HINFP: variants seen among roughly 807,000 people sequenced by gnomAD.
HINFP encodes histone H4 transcription factor, also known as MBD2 (methyl-CpG-binding protein)-interacting zinc finger protein.
In HINFP, 20 loss-of-function variants were observed where a neutral mutation model predicts 50.1. That is an observed-to-expected ratio of 0.40 (90% CI 0.28 to 0.58). The LOEUF (loss-of-function observed/expected upper bound fraction) is 0.58, where lower values mean the gene tolerates loss of function less well. HINFP is among the 20% of genes least tolerant of loss of function. HINFP has a pLI of 0.45. For missense variants in HINFP, 505 were observed against 664.1 expected (o/e 0.76, Z 2.63); for synonymous variants, 247 against 243.7 (o/e 1.01, Z -0.13).
At chr11:119,122,657 A>G (rs145495039) in intron 1 of HINFP, among the ~76,000 whole-genome samples, 1 of 152,148 alleles carries the variant, frequency 6.6e-6, no homozygotes, top group Non-Finnish European at 1.5e-5. Flanking sequence ...TGAATAAGTG[A>G]TGGCCACTGT....
chr11:119,122,072 A>T (rs1337201532), intron 1 of HINFP: 1 of 152,148 alleles, frequency 6.6e-6, no homozygotes, highest in Non-Finnish European at 1.5e-5. Context: ...CCAAATTATG[A>T]GTTCTTAGGC....
In HINFP at chr11:119,130,698, C is replaced by T. The variant is rs534801078; in HGVS notation, c.182-27C>T. Reference sequence around the variant, plus strand: ...GACCTGAGCCTTGGAAAGTGTCAGACTCTTCCTTTTAAACCCCTTTCTACA... The same window carrying T: ...GACCTGAGCCTTGGAAAGTGTCAGATTCTTCCTTTTAAACCCCTTTCTACA... On this transcript the variant is annotated intron_variant, in intron 2 of 9. Transcript: ENST00000350777. 7 of 1,597,398 alleles carry T rather than the reference C, an allele frequency of 4.4e-6. No individual in the cohort carries two copies. The East Asian group carries it at 1.6e-4, about 36-fold the overall frequency.
chr11:119,126,899 AT>A (rs1471613595), intron 1 of HINFP, 35 bp from the exon 2 acceptor site: 9 of 1,563,540 alleles, frequency 5.8e-6, no homozygotes, highest in Non-Finnish European at 7.8e-6. Flanking sequence ...CCTGGGTGGA[AT>A]TCTTGCAGCT....
chr11:119,132,386 C>G (rs1947813517), intron 5 of HINFP, 110 bp from the exon 6 acceptor site: 1 of 1,040,372 alleles, frequency 9.6e-7, no homozygotes, highest in African/African-American at 1.6e-5. Flanking sequence ...TCCCTAAGCT[C>G]TCCTTTTCTC....
rs2135067871 is a variant in HINFP at position 119,131,036 on chromosome 11, T to C, written c.411+82T>C. The C allele has an allele frequency of 1.8e-6, 2 of 1,121,540 alleles. No individual in the cohort carries two copies. The highest frequency in any genetic ancestry group is 2.7e-6 in the Non-Finnish European group (2 of 736,578). The allele number at this position is 1,121,540 out of a possible 1,614,324, so 69.5% of individuals were successfully genotyped here. On this transcript the variant is annotated intron_variant, in intron 3 of 9. Coordinates refer to ENST00000350777, the MANE Select transcript of HINFP (RefSeq NM_198971.3). The surrounding 1 kb of genome is among the most constrained non-coding windows in gnomAD (Gnocchi z 4.2). The stretch of plus-strand genomic sequence containing the variant: ...TGCCTTGTCCCTTTCAGGGATGCCT[T>C]ATATTTCCAAGATTCCTGCTAGTAT...
At chr11:119,133,932 A>G (rs1947922236) in intron 9 of HINFP, 152 bp from the exon 10 acceptor site, 1 of 969,374 alleles carries the variant, frequency 1.0e-6, no homozygotes, top group African/African-American at 1.6e-5. Context: ...TCTTCTACAT[A>G]TTCCAATAAA....
chr11:119,133,491 A>G, intron 9 of HINFP: 1 of 389,104 alleles, frequency 2.6e-6, no homozygotes, highest in Non-Finnish European at 4.7e-6. Flanking sequence ...AGGTGGGAGA[A>G]TCACTTGAAC....
At position 119,132,679 on chromosome 11, in the gene HINFP, C is replaced by G. The variant is rs769076814; in HGVS notation, c.773C>G (p.Pro258Arg). 5.0e-6 allele frequency: 8 copies of G among 1,614,114 alleles called. No homozygotes were observed. In the East Asian group the frequency reaches 6.7e-5, roughly 13 times the overall value. Reference sequence around the variant, plus strand: ...CTCTCAGTGAATCACTATAAGTGCCCTCTGTGTGACATGACCTGCCCGCTG... The same window carrying G: ...CTCTCAGTGAATCACTATAAGTGCCGTCTGTGTGACATGACCTGCCCGCTG... The part of the protein sequence containing the change: ...MRNHVNHYKC[P>R]LCDMTCPLPS... The change falls in exon 7 of 10, where the codon CCT becomes CGT. Residue 258 changes from proline (P) to arginine (R), a missense_variant. Physicochemically the swap from Pro to Arg is moderately radical, Grantham distance 103. Coordinates refer to ENST00000350777, the MANE Select transcript of HINFP (RefSeq NM_198971.3).
At chr11:119,129,490 C>CTTTTTTTTCTTTT (rs776476604) in intron 2 of HINFP, among the ~76,000 whole-genome samples, 21 of 124,182 alleles carry the variant, frequency 1.7e-4, no homozygotes, top group African/African-American at 6.1e-4. Flanking sequence ...TTTTTCTTTT[C>CTTTTTTTTCTTTT]TTTTTTTTTT....
rs941190278 is a variant in HINFP, at chr11:119,131,107, C to T, written c.411+153C>T. On this transcript the variant is annotated intron_variant, in intron 3 of 9. Transcript: ENST00000350777. This position sits in a 1 kb window ranked among gnomAD's most constrained non-coding sequence, Gnocchi z 4.2. Reference sequence around the variant, plus strand: ...TCTTTTAAAATTTGTTTATTTTTTACACACAGGCTCTTGATCTGAAGCCCA... The same window carrying T: ...TCTTTTAAAATTTGTTTATTTTTTATACACAGGCTCTTGATCTGAAGCCCA... 5 of 745,770 alleles carry T rather than the reference C, an allele frequency of 6.7e-6. No homozygotes were observed. The highest frequency in any genetic ancestry group is 5.2e-5 in the African/African-American group (3 of 58,034). The allele number at this position is 745,770 out of a possible 1,614,324, so 46.2% of individuals were successfully genotyped here.
chr11:119,133,467 T>G (rs1947895539), intron 9 of HINFP: 1 of 424,618 alleles, frequency 2.4e-6, no homozygotes, highest in South Asian at 2.4e-5. Context: ...TAGTCCCAGC[T>G]ACTTGGGAGG....
Position 119,134,742 on chromosome 11 carries a change from G to A in HINFP, c.*244G>A. On this transcript the variant is annotated 3_prime_UTR_variant, in exon 10 of 10. Coordinates refer to ENST00000350777, the MANE Select transcript of HINFP (RefSeq NM_198971.3). The surrounding 1 kb of genome is among the most constrained non-coding windows in gnomAD (Gnocchi z 4.3). ...CTTTGAGGGGATCCTGGATGTGTGT[G>A]TTCTTGTTAAAGAGGCTGTTATCAG... 1 of 454,580 alleles carries A rather than the reference G, an allele frequency of 2.2e-6. No homozygotes were observed. The highest frequency in any genetic ancestry group is 3.9e-6 in the Non-Finnish European group (1 of 254,760). 28.2% of individuals were successfully genotyped at this position (454,580 alleles called of 1,614,324 possible). A position where few individuals can be genotyped will look rare whatever the true frequency, so the allele number is the denominator to read the frequency against.
At position 119,134,411 on chromosome 11, in the gene HINFP, G is replaced by A. The variant is rs1218162169; in HGVS notation, c.1467G>A (p.Glu489=). 5 of 1,614,186 alleles carry A rather than the reference G, an allele frequency of 3.1e-6. No individual in the cohort carries two copies. The Admixed American group carries it at 5.0e-5, about 16-fold the overall frequency. The change falls in exon 10 of 10, where the codon GAG becomes GAA. Residue 489 remains glutamate, a synonymous_variant. Transcript: ENST00000350777. This position sits in a 1 kb window ranked among gnomAD's most constrained non-coding sequence, Gnocchi z 4.3. ...ATGTGCTGTCTGAAGCCCCAGGGGAGCCTCCCCCAGCCCCTGAGCCACCTT... is the reference window on the plus strand; with the variant it reads ...ATGTGCTGTCTGAAGCCCCAGGGGAACCTCCCCCAGCCCCTGAGCCACCTT... ...VYYVLSEAPG[E]PPPAPEPPSG... is the part of the protein sequence containing the mutation.
At position 119,127,094 on chromosome 11, in the gene HINFP, G is replaced by GGAGGAA. The variant is rs773399185; in HGVS notation, c.162_167dup (p.Glu55_Glu56dup). 3 of 1,613,056 alleles carry GGAGGAA rather than the reference G, an allele frequency of 1.9e-6. No homozygotes were observed. Among genetic ancestry groups the GGAGGAA allele is most frequent in the East Asian group, 2.2e-5 (1 of 44,814 alleles). On this transcript the variant is annotated inframe_insertion, in exon 2 of 10. Transcript: ENST00000350777. ...AGCACCTGCATGGCTCTGGGGAGGA[G>GGAGGAA]GAGGAAGAGGAAGAGGAGGATGACC...
At chr11:119,124,891 G>A (rs1372280174) in intron 1 of HINFP, 1 of 151,946 alleles carries the variant, frequency 6.6e-6, no homozygotes, top group Non-Finnish European at 1.5e-5. Context: ...AGAATCTCTT[G>A]AACCCGGCAG....
chr11:119,133,946 C>CT (rs1339986898), intron 9 of HINFP, 138 bp from the exon 10 acceptor site: 1 of 1,156,180 alleles, frequency 8.6e-7, no homozygotes. Flanking sequence ...CAATAAAGAC[C>CT]TTTTTTGTCT....
At chr11:119,133,984 C>G (rs780235643) in intron 9 of HINFP, 100 bp from the exon 10 acceptor site, 1 of 1,524,596 alleles carries the variant, frequency 6.6e-7, no homozygotes, top group East Asian at 2.3e-5. Context: ...GATTCCAGGA[C>G]TTCTTCCATC....
chr11:119,126,354 C>CAAAAAAAAAAAAAAAAAAAGAAAAA (rs1947402709), intron 1 of HINFP: 1 of 62,688 alleles, frequency 1.6e-5, no homozygotes. Flanking sequence ...AACTCAATCT[C>CAAAAAAAAAAAAAAAAAAAGAAAAA]AAAAAAAAAA....
chr11:119,127,115 T>C lies in HINFP; in HGVS notation c.171T>C (p.Asp57=). 1.2e-6 allele frequency: 2 copies of C among 1,610,616 alleles called. No individual in the cohort carries two copies. Among genetic ancestry groups the C allele is most frequent in the Non-Finnish European group, 1.7e-6 (2 of 1,179,024 alleles). The change falls in exon 2 of 10, where the codon GAT becomes GAC. Residue 57 remains aspartate, a synonymous_variant. Transcript: ENST00000350777. ...AGGAGGAGGAAGAGGAAGAGGAGGA[T>C]GACCCACTTGGTAAGAGAGCAGGAC... ...SGEEEEEEEE[D]DPLEEEFSCL...
Sources: allele counts gnomAD v4.1 joint callset (sites outside exome capture counted in the v4.1 genomes callset), GRCh38; gene constraint gnomAD v4.1.1; non-coding constraint Gnocchi (gnomAD v3.1); transcripts MANE v1.5; gene names NCBI Gene and HGNC (gene_info 2026-07-23, HGNC 2026-07-21).